The following DSCAML1 variants were observed in gnomAD, a reference collection of about 807,000 sequenced individuals.
The protein encoded by DSCAML1 is cell adhesion molecule DSCAML1.
DSCAML1 carries 38 observed loss-of-function variants against 200.5 expected under a neutral mutation model. The observed-to-expected ratio is 0.19, with a 90% CI of 0.15 to 0.25. The LOEUF (loss-of-function observed/expected upper bound fraction) is 0.25, where lower values mean the gene tolerates loss of function less well. Ranked by LOEUF, DSCAML1 falls within the 10% of genes least tolerant of loss-of-function variation. The pLI is 1.00. For synonymous variants in DSCAML1, 1,215 were observed against 1,165.0 expected (o/e 1.04, Z -0.87); for missense variants, 2,223 against 2,858.8 (o/e 0.78, Z 5.07).
intron 30 of DSCAML1, among the ~76,000 whole-genome samples, 189 bp from the exon 31 acceptor site, chr11:117,431,917 TTG>T (rs371261569): frequency 3.2e-5 from 4 of 123,478 alleles, no homozygotes; most frequent in African/African-American, 9.1e-5. Flanking sequence ...CGAGTCAAGG[TTG>T]GGGAGGGGGC....
chr11:117,586,984 T>C (rs1362916041), intron 3 of DSCAML1, among the ~76,000 whole-genome samples: 3 of 152,120 alleles, frequency 2.0e-5, no homozygotes, highest in Non-Finnish European at 4.4e-5. Context: ...CCTCCCACAG[T>C]CCCATCTGAT....
chr11:117,443,830 C>T, intron 21 of DSCAML1, 56 bp downstream of exon 21: 1 of 1,527,482 alleles, frequency 6.5e-7, no homozygotes, highest in Non-Finnish European at 8.8e-7. Flanking sequence ...AACCAGGATT[C>T]TGTAAGGGAG....
At chr11:117,701,259 C>G (rs574827924) in intron 3 of DSCAML1, among the ~76,000 whole-genome samples, 1 of 150,266 alleles carries the variant, frequency 6.7e-6, no homozygotes, top group Non-Finnish European at 1.5e-5. Context: ...GAGCAAGACT[C>G]CATCTCAAAA....
At chr11:117,665,065 T>C (rs2052946917) in intron 3 of DSCAML1, among the ~76,000 whole-genome samples, 2 of 152,200 alleles carry the variant, frequency 1.3e-5, no homozygotes, top group Non-Finnish European at 2.9e-5. Flanking sequence ...GTGGAAGTCC[T>C]ATTTCCTGCC....
chr11:117,700,054 T>C (rs2053642039), intron 3 of DSCAML1, among the ~76,000 whole-genome samples: 1 of 152,230 alleles, frequency 6.6e-6, no homozygotes, highest in African/African-American at 2.4e-5. Flanking sequence ...GACCTCGTGC[T>C]TGTGTGGCGT....
intron 3 of DSCAML1, among the ~76,000 whole-genome samples, chr11:117,684,915 C>T (rs1271007272): frequency 6.6e-6 from 1 of 152,192 alleles, no homozygotes; most frequent in Admixed American, 6.5e-5. Context: ...TTCAAGTAGC[C>T]AAAGTGGGCC....
chr11:117,781,516 G>C (rs562762398), intron 1 of DSCAML1, among the ~76,000 whole-genome samples: 45 of 152,140 alleles, frequency 3.0e-4, no homozygotes, highest in Non-Finnish European at 4.3e-4. Flanking sequence ...TGGGATGCTC[G>C]CCTGGAATGG....
intron 3 of DSCAML1, among the ~76,000 whole-genome samples, chr11:117,575,790 C>G (rs748854396): frequency 2.0e-5 from 3 of 152,130 alleles, no homozygotes; most frequent in Non-Finnish European, 4.4e-5. Flanking sequence ...CATGATCATG[C>G]CACTGCACTC....
intron 3 of DSCAML1, among the ~76,000 whole-genome samples, chr11:117,723,027 A>G (rs2054066100): frequency 6.6e-6 from 1 of 152,200 alleles, no homozygotes; most frequent in Non-Finnish European, 1.5e-5. Context: ...TGGTTATCTC[A>G]GTTTCCTCAT....
At chr11:117,658,533 C>T (rs73014407) in intron 3 of DSCAML1, among the ~76,000 whole-genome samples, 37,340 of 152,026 alleles carry the variant, frequency 0.25, 5,522 homozygotes, top group Non-Finnish European at 0.31. Flanking sequence ...AGATCTGACA[C>T]GTCAGGGCAT....
chr11:117,491,262 T>G (rs1019664820), intron 11 of DSCAML1, among the ~76,000 whole-genome samples: 9 of 152,230 alleles, frequency 5.9e-5, no homozygotes, highest in African/African-American at 2.2e-4. Flanking sequence ...CACAGTCTGT[T>G]ATACTGAGAG....
rs2049768233 is a variant in DSCAML1, at chr11:117,516,390, G to A, written c.1783+77C>T. 7 of 1,535,872 alleles carry A rather than the reference G, an allele frequency of 4.6e-6. No homozygotes were observed. Among genetic ancestry groups the A allele is most frequent in the Non-Finnish European group, 6.2e-6 (7 of 1,136,326 alleles). ...CACCCAGGATTGCCTATTGTTGTCTGAGTCCCAGCTGGGGAAAGGCCCACG... is the reference window on the plus strand; with the variant it reads ...CACCCAGGATTGCCTATTGTTGTCTAAGTCCCAGCTGGGGAAAGGCCCACG... On this transcript the variant is annotated intron_variant, in intron 8 of 32. Transcript: ENST00000651296. The surrounding 1 kb of genome is among the most constrained non-coding windows in gnomAD (Gnocchi z 5.7).
intron 1 of DSCAML1, among the ~76,000 whole-genome samples, chr11:117,809,982 TAC>T (rs951756535): frequency 1.4e-5 from 2 of 144,840 alleles, no homozygotes; most frequent in South Asian, 2.2e-4. Context: ...CACACACTCA[TAC>T]ACACATTCAC....
At chr11:117,716,171 C>T (rs1175181881) in intron 3 of DSCAML1, among the ~76,000 whole-genome samples, 1 of 152,238 alleles carries the variant, frequency 6.6e-6, no homozygotes, top group Admixed American at 6.5e-5. Context: ...CTTCCAACAG[C>T]CCGGAGCGAG....
chr11:117,794,032 G>T (rs2055526149), intron 1 of DSCAML1, among the ~76,000 whole-genome samples: 2 of 142,608 alleles, frequency 1.4e-5, no homozygotes, highest in Non-Finnish European at 1.5e-5. Flanking sequence ...TTTCCCCATT[G>T]CCCCCCCCCC....
At chr11:117,718,926 C>T (rs182359609) in intron 3 of DSCAML1, among the ~76,000 whole-genome samples, 53 of 152,280 alleles carry the variant, frequency 3.5e-4, no homozygotes, top group South Asian at 2.7e-3. Context: ...AACTCTGCTG[C>T]TGTGGCTAGA....
At chr11:117,511,920 C>G (rs1476273924) in intron 8 of DSCAML1, among the ~76,000 whole-genome samples, 3 of 152,272 alleles carry the variant, frequency 2.0e-5, no homozygotes, top group African/African-American at 7.2e-5. Flanking sequence ...CGAGTGCTCA[C>G]ACACAGGTCT....
intron 1 of DSCAML1, among the ~76,000 whole-genome samples, chr11:117,785,316 G>A (rs546282954): frequency 6.6e-6 from 1 of 152,316 alleles, no homozygotes; most frequent in East Asian, 1.9e-4. Context: ...AAGTTATTCA[G>A]CAGCCAGAGA....
intron 11 of DSCAML1, among the ~76,000 whole-genome samples, chr11:117,484,043 C>CGCCCCT (rs1013033678): frequency 5.3e-5 from 8 of 150,214 alleles, no homozygotes; most frequent in Admixed American, 2.6e-4. Context: ...CCCTGCCCCC[C>CGCCCCT]GCCCCTGCCC....
Sources: gnomAD v4.1 joint callset for allele counts (sites outside exome capture counted in the v4.1 genomes callset) on GRCh38, gnomAD v4.1.1 for gene constraint, Gnocchi (gnomAD v3.1) non-coding constraint, MANE v1.5 for transcripts, NCBI Gene and HGNC (gene_info 2026-07-23, HGNC 2026-07-21) for gene names.